Variants in PPP3CA observed in about 807,000 individuals in gnomAD.
PPP3CA encodes the protein CAM-PRP catalytic subunit.
Under a neutral mutation model 66.5 loss-of-function variants are expected in PPP3CA, and 14 were observed. That is an observed-to-expected ratio of 0.21 (90% CI 0.14 to 0.33). The LOEUF is 0.33. Among genes scored for constraint, PPP3CA ranks in the 10% least tolerant of loss-of-function variants. The probability of loss-of-function intolerance (pLI) is 1.00; values close to 1 mark genes in which losing one functional copy is unlikely to be tolerated. For missense variants in PPP3CA, 317 were observed against 639.5 expected (o/e 0.50, Z 5.44); for synonymous variants, 232 against 226.2 (o/e 1.03, Z -0.23).
At chr4:101,300,701 G>A (rs930869317) in intron 1 of PPP3CA, among the ~76,000 whole-genome samples, 2 of 152,088 alleles carry the variant, frequency 1.3e-5, no homozygotes, top group Admixed American at 6.5e-5. Context: ...AGAAGCTGGG[G>A]CACAAGAATC....
intron 1 of PPP3CA, among the ~76,000 whole-genome samples, chr4:101,207,372 A>C (rs1725165319): frequency 6.6e-6 from 1 of 152,218 alleles, no homozygotes; most frequent in African/African-American, 2.4e-5. Flanking sequence ...TAATAGACTA[A>C]CACTTTCTCA....
chr4:101,093,209 G>C (rs944025769), intron 6 of PPP3CA, among the ~76,000 whole-genome samples: 2 of 152,152 alleles, frequency 1.3e-5, no homozygotes, highest in East Asian at 1.9e-4. Context: ...GACCAGTGAT[G>C]ATGAGCATTT....
At chr4:101,117,014 T>G (rs2110269759) in intron 2 of PPP3CA, among the ~76,000 whole-genome samples, 1 of 151,636 alleles carries the variant, frequency 6.6e-6, no homozygotes, top group East Asian at 1.9e-4. Flanking sequence ...AAAGAAACAA[T>G]AAAGCTATAA....
intron 1 of PPP3CA, among the ~76,000 whole-genome samples, chr4:101,276,797 C>A (rs1272318249): frequency 1.3e-5 from 2 of 152,194 alleles, no homozygotes; most frequent in Non-Finnish European, 2.9e-5. Flanking sequence ...TTACCTCCCA[C>A]ACAGTTTCCC....
intron 2 of PPP3CA, among the ~76,000 whole-genome samples, chr4:101,123,525 C>T (rs1026217022): frequency 3.9e-5 from 6 of 152,050 alleles, no homozygotes; most frequent in Admixed American, 6.6e-5. Flanking sequence ...AAAGATATGA[C>T]GCTGTAAAGA....
chr4:101,106,155 T>C (rs1730656777), intron 3 of PPP3CA, among the ~76,000 whole-genome samples: 1 of 151,560 alleles, frequency 6.6e-6, no homozygotes, highest in South Asian at 2.1e-4. Flanking sequence ...AGACCCTGTG[T>C]CTACTAAAAA....
intron 2 of PPP3CA, among the ~76,000 whole-genome samples, chr4:101,119,123 T>C (rs1411691253): frequency 5.3e-5 from 8 of 151,966 alleles, no homozygotes; most frequent in African/African-American, 1.2e-4. Flanking sequence ...TTTAGATAGA[T>C]GAATTAAACA....
intron 10 of PPP3CA, among the ~76,000 whole-genome samples, chr4:101,048,421 T>A (rs920424678): frequency 1.4e-5 from 2 of 141,308 alleles, no homozygotes; most frequent in African/African-American, 5.2e-5. Flanking sequence ...ACTCCTTAAC[T>A]AGCCATAAAC....
chr4:101,294,983 G>T (rs1344564114), intron 1 of PPP3CA, among the ~76,000 whole-genome samples: 1 of 152,140 alleles, frequency 6.6e-6, no homozygotes, highest in Admixed American at 6.5e-5. Context: ...AAGAAAAAGG[G>T]CTACTGGTAT....
chr4:101,214,437 G>A (rs1477845817), intron 1 of PPP3CA, among the ~76,000 whole-genome samples: 1 of 152,086 alleles, frequency 6.6e-6, no homozygotes, highest in African/African-American at 2.4e-5. Context: ...ACTTCATAAA[G>A]TGAGAGCAAA....
intron 1 of PPP3CA, among the ~76,000 whole-genome samples, chr4:101,295,165 G>A (rs1728160898): frequency 6.6e-6 from 1 of 150,984 alleles, no homozygotes; most frequent in African/African-American, 2.4e-5. Flanking sequence ...GCCGGGCGCG[G>A]TGGCGGGCGC....
chr4:101,244,148 C>T (rs1457323285), intron 1 of PPP3CA, among the ~76,000 whole-genome samples: 1 of 152,100 alleles, frequency 6.6e-6, no homozygotes, highest in Non-Finnish European at 1.5e-5. Flanking sequence ...TAAATCATCT[C>T]ATATTTAGTT....
intron 8 of PPP3CA, among the ~76,000 whole-genome samples, chr4:101,074,288 C>T (rs962520190): frequency 3.3e-5 from 5 of 152,132 alleles, no homozygotes; most frequent in African/African-American, 1.2e-4. Context: ...TCGGAGACCC[C>T]TCATCTCCCT....
At chr4:101,044,154 C>G (rs1727660057) in intron 10 of PPP3CA, among the ~76,000 whole-genome samples, 1 of 152,078 alleles carries the variant, frequency 6.6e-6, no homozygotes, top group Non-Finnish European at 1.5e-5. Context: ...AGGAGCTGAA[C>G]AACAGCAGGA....
intron 1 of PPP3CA, among the ~76,000 whole-genome samples, chr4:101,203,994 G>T (rs1725048125): frequency 6.6e-6 from 1 of 151,992 alleles, no homozygotes; most frequent in South Asian, 2.1e-4. Context: ...TTTTTAGACA[G>T]GGTCTCCCTC....
chr4:101,122,285 C>G (rs1722055303), intron 2 of PPP3CA, among the ~76,000 whole-genome samples: 1 of 152,152 alleles, frequency 6.6e-6, no homozygotes, highest in Admixed American at 6.5e-5. Flanking sequence ...CAAGTATGTT[C>G]TGTGGAGTGG....
chr4:101,182,766 C>T (rs1429855359), intron 2 of PPP3CA, among the ~76,000 whole-genome samples: 1 of 152,052 alleles, frequency 6.6e-6, no homozygotes, highest in Non-Finnish European at 1.5e-5. Flanking sequence ...TGGGAGGGAC[C>T]AGGTGGGAGA....
intron 2 of PPP3CA, among the ~76,000 whole-genome samples, chr4:101,171,963 T>A (rs1723897161): frequency 6.6e-6 from 1 of 152,188 alleles, no homozygotes; most frequent in South Asian, 2.1e-4. Flanking sequence ...ACTGACTGAT[T>A]CAATGAATGA....
intron 1 of PPP3CA, among the ~76,000 whole-genome samples, chr4:101,341,460 A>C (rs1289482184): frequency 6.6e-6 from 1 of 152,224 alleles, no homozygotes; most frequent in East Asian, 1.9e-4. Context: ...CTCTTGACCC[A>C]AGGCACTCAT....
Sources: gnomAD v4.1 joint callset for allele counts (sites outside exome capture counted in the v4.1 genomes callset) on GRCh38, gnomAD v4.1.1 for gene constraint, MANE v1.5 for transcripts, NCBI Gene and HGNC (gene_info 2026-07-23, HGNC 2026-07-21) for gene names.